Variants in CPQ observed in about 807,000 individuals in gnomAD.
CPQ encodes the protein carboxypeptidase Q.
In CPQ, 37 loss-of-function variants were observed where a neutral mutation model predicts 45.7. The ratio of observed to expected loss-of-function variants is 0.81; its 90% confidence interval spans 0.62 to 1.07. The LOEUF is 1.07. Ranked by LOEUF, CPQ falls within the 50% of genes least tolerant of loss-of-function variation. CPQ has a pLI of 0.00. For synonymous variants in CPQ, 186 were observed against 205.8 expected, an observed-to-expected ratio of 0.90 and a Z score of 0.82; for missense variants, 537 against 572.9, an observed-to-expected ratio of 0.94 and a Z score of 0.64.
At chr8:97,063,197 T>C (rs1398343150) in intron 6 of CPQ, among the ~76,000 whole-genome samples, 1 of 152,200 alleles carries the variant, frequency 6.6e-6, no homozygotes, top group African/African-American at 2.4e-5. Context: ...TGGTATCTCA[T>C]TGTGGTTTTG....
At position 96,926,622 on chromosome 8, in the gene CPQ, T is replaced by TCTTCTTCTTCTTCTTCTTCTC. The variant is rs1554578116; in HGVS notation, c.850-39311_850-39310insTCTTCTTCTTCTTCTTCTCCT. Reference sequence around the variant, plus strand: ...TTCTTCTTCTTCTTCTTCTTCTTCTTCTCCTCCTTCTCCTTCTTCTTCTTC... The same window carrying TCTTCTTCTTCTTCTTCTTCTC: ...TTCTTCTTCTTCTTCTTCTTCTTCTTCTTCTTCTTCTTCTTCTTCTCCTCCTCCTTCTCCTTCTTCTTCTTC... On this transcript the variant is annotated intron_variant, in intron 4 of 7. Transcript: ENST00000220763. Among the ~76,000 whole-genome samples, 14 of 123,848 alleles carry TCTTCTTCTTCTTCTTCTTCTC rather than the reference T, an allele frequency of 1.1e-4. No homozygotes were observed. The East Asian group carries it at 1.2e-3, about 10-fold the overall frequency. 81.2% of individuals were successfully genotyped at this position (123,848 alleles called of 152,430 possible).
intron 6 of CPQ, among the ~76,000 whole-genome samples, chr8:97,058,478 C>T (rs1336793003): frequency 6.6e-6 from 1 of 152,094 alleles, no homozygotes; most frequent in African/African-American, 2.4e-5. Context: ...TTTAGCATGT[C>T]ACAGTGTTAA....
In CPQ at chr8:96,716,698, AG is replaced by A. The variant is rs1458870705; in HGVS notation, c.-34-68164del. Among the ~76,000 whole-genome samples the A allele has an allele frequency of 5.9e-5, 9 of 152,122 alleles. No individual in the cohort carries two copies. The East Asian group carries it at 1.7e-3, about 29-fold the overall frequency. On this transcript the variant is annotated intron_variant, in intron 1 of 7. Coordinates refer to ENST00000220763, the MANE Select transcript of CPQ (RefSeq NM_016134.4). Reference sequence around the variant, plus strand: ...TGAGATGGGCAGATCACCTGAGGTCAGGAGTTTGAGACCAGCCTGGCCAACA... The same window carrying A: ...TGAGATGGGCAGATCACCTGAGGTCAGAGTTTGAGACCAGCCTGGCCAACA...
At chr8:96,893,907 C>T (rs1301387850) in intron 4 of CPQ, among the ~76,000 whole-genome samples, 1 of 151,934 alleles carries the variant, frequency 6.6e-6, no homozygotes, top group Non-Finnish European at 1.5e-5. Context: ...AATTCTCTTC[C>T]CCTGCATGTG....
intron 5 of CPQ, among the ~76,000 whole-genome samples, chr8:96,983,482 CT>C (rs1421573246): frequency 1.3e-5 from 2 of 152,078 alleles, no homozygotes; most frequent in African/African-American, 4.8e-5. Context: ...TGAGAGTTAA[CT>C]TTGGCTCATT....
At chr8:96,787,412 C>G (rs535666415) in intron 2 of CPQ, among the ~76,000 whole-genome samples, 1 of 150,390 alleles carries the variant, frequency 6.6e-6, no homozygotes, top group South Asian at 2.2e-4. Context: ...CACTTGATTA[C>G]AATACATAAT....
intron 1 of CPQ, among the ~76,000 whole-genome samples, chr8:96,692,358 A>G (rs1809316010): frequency 6.6e-6 from 1 of 151,988 alleles, no homozygotes; most frequent in Non-Finnish European, 1.5e-5. Context: ...GTGGTCAGGT[A>G]GTTACAGCAG....
rs776898444 is a variant in CPQ at position 97,059,658 on chromosome 8, G to C, written c.1054-6351G>C. 2.6e-5 allele frequency among the ~76,000 whole-genome samples: 4 copies of C among 152,152 alleles called. 1 individual carries two copies. The highest frequency in any genetic ancestry group is 5.9e-5 in the Non-Finnish European group (4 of 68,022). Reference sequence around the variant, plus strand: ...GTTGTTTGAGCTGAAGCTCTGTAAAGAAATCACCTTCATCCACAGAAACTG... The same window carrying C: ...GTTGTTTGAGCTGAAGCTCTGTAAACAAATCACCTTCATCCACAGAAACTG... On this transcript the variant is annotated intron_variant, in intron 6 of 7. Coordinates refer to ENST00000220763, the MANE Select transcript of CPQ (RefSeq NM_016134.4).
At position 96,739,058 on chromosome 8, in the gene CPQ, C is replaced by G. The variant is rs1810038849; in HGVS notation, c.-34-45806C>G. On this transcript the variant is annotated intron_variant, in intron 1 of 7. Transcript: ENST00000220763. ...CACACTGACTTCCACAATGGTTGAA[C>G]TAGTCTACAGTCCCACCAACAGTGT... Among the ~76,000 whole-genome samples, 3 of 151,372 alleles carry G rather than the reference C, an allele frequency of 2.0e-5. No homozygotes were observed. The South Asian group carries it at 6.3e-4, about 32-fold the overall frequency.
chr8:97,049,137 G>A (rs777854460), intron 6 of CPQ, among the ~76,000 whole-genome samples: 5 of 152,246 alleles, frequency 3.3e-5, no homozygotes, highest in South Asian at 2.1e-4. Flanking sequence ...AATTAGCATC[G>A]TCTTTATAAG....
chr8:96,813,013 T>C (rs1043544658), intron 2 of CPQ, among the ~76,000 whole-genome samples: 1 of 152,124 alleles, frequency 6.6e-6, no homozygotes, highest in Non-Finnish European at 1.5e-5. Flanking sequence ...GTCAGAAGGA[T>C]GTGGTTATAA....
At position 96,645,344 on chromosome 8, in the gene CPQ, G is replaced by A. The variant is rs933938485; in HGVS notation, c.-93G>A. On this transcript the variant is annotated 5_prime_UTR_variant, in exon 1 of 8. Transcript: ENST00000220763. ...TGTGGCCGCCGCCACCGTAAGGCTA[G>A]GCCGCGAGCTTAGTCCTGGGAGCCG... The A allele has an allele frequency of 6.6e-6, 1 of 152,490 alleles. No individual in the cohort carries two copies. Among genetic ancestry groups the A allele is most frequent in the African/African-American group, 2.4e-5 (1 of 41,468 alleles). The allele number at this position is 152,490 out of a possible 1,614,324, so 9.4% of individuals were successfully genotyped here. A position where few individuals can be genotyped will look rare whatever the true frequency, so the allele number is the denominator to read the frequency against.
chr8:97,141,794 T>C (rs1251164165), intron 7 of CPQ, among the ~76,000 whole-genome samples: 2 of 152,170 alleles, frequency 1.3e-5, no homozygotes, highest in African/African-American at 4.8e-5. Context: ...ATGAAAATAC[T>C]AGAGCTATAC....
intron 1 of CPQ, among the ~76,000 whole-genome samples, chr8:96,678,724 A>G (rs1279258628): frequency 2.2e-5 from 3 of 136,410 alleles, no homozygotes; most frequent in African/African-American, 5.5e-5. Context: ...GTCTCTTCAG[A>G]CCCTTTGCCC....
At chr8:96,769,472 G>C (rs1810511768) in intron 1 of CPQ, among the ~76,000 whole-genome samples, 1 of 152,058 alleles carries the variant, frequency 6.6e-6, no homozygotes, top group Non-Finnish European at 1.5e-5. Context: ...ATAGACCCCT[G>C]TTCTCCAGGG....
rs187662389 is a variant in CPQ, at chr8:96,688,518, G to A, written c.-35+43116G>A. Among the ~76,000 whole-genome samples the A allele has an allele frequency of 5.0e-3, 764 of 151,612 alleles. 7 individuals carry two copies. The highest frequency in any genetic ancestry group is 0.018 in the African/African-American group (731 of 41,450). On this transcript the variant is annotated intron_variant, in intron 1 of 7. Coordinates refer to ENST00000220763, the MANE Select transcript of CPQ (RefSeq NM_016134.4). ...ATGGACTATTTCTGCTTTGTGGGGC[G>A]TGTGTGTATTTTCTGATTTGGAAGA...
chr8:96,676,710 G>T (rs559992325), intron 1 of CPQ, among the ~76,000 whole-genome samples: 1 of 151,996 alleles, frequency 6.6e-6, no homozygotes, highest in Non-Finnish European at 1.5e-5. Context: ...TTGGGGTGCA[G>T]TTGGTGTTTG....
At chr8:96,903,839 A>T (rs552182938) in intron 4 of CPQ, among the ~76,000 whole-genome samples, 1 of 152,308 alleles carries the variant, frequency 6.6e-6, no homozygotes, top group East Asian at 1.9e-4. Flanking sequence ...TGGAGAAAAA[A>T]ATATGGCATG....
At chr8:97,112,790 G>A (rs752712111) in intron 7 of CPQ, among the ~76,000 whole-genome samples, 3 of 152,210 alleles carry the variant, frequency 2.0e-5, no homozygotes, top group Non-Finnish European at 2.9e-5. Flanking sequence ...CAGTGCTGAT[G>A]GCGTACATGG....
Sources: allele counts gnomAD v4.1 joint callset (sites outside exome capture counted in the v4.1 genomes callset), GRCh38; gene constraint gnomAD v4.1.1; transcripts MANE v1.5; gene names NCBI Gene and HGNC (gene_info 2026-07-23, HGNC 2026-07-21).